Variants in ACACA observed in about 807,000 individuals in gnomAD.
ACACA encodes acetyl-CoA carboxylase 1.
Under a neutral mutation model 296.1 loss-of-function variants are expected in ACACA, and 103 were observed. The ratio of observed to expected loss-of-function variants is 0.35; its 90% confidence interval spans 0.30 to 0.41. The LOEUF (loss-of-function observed/expected upper bound fraction) is 0.41, where lower values mean the gene tolerates loss of function less well. Among genes scored for constraint, ACACA ranks in the 10% least tolerant of loss-of-function variants. The pLI, the probability that ACACA is intolerant of heterozygous loss-of-function variation, is 1.00. For missense variants in ACACA, 1,554 were observed against 2,989.7 expected (o/e 0.52, Z 11.20); for synonymous variants, 953 against 1,038.6 (o/e 0.92, Z 1.58).
At chr17:37,169,148 T>C (rs1209316040) in intron 41 of ACACA, among the ~76,000 whole-genome samples, 1 of 152,200 alleles carries the variant, frequency 6.6e-6, no homozygotes, top group African/African-American at 2.4e-5. Flanking sequence ...CAGATGCAGG[T>C]CTGTAACAGC....
intron 3 of ACACA, among the ~76,000 whole-genome samples, chr17:37,311,871 CAAAA>C (rs758323265): frequency 7.4e-5 from 5 of 67,500 alleles, no homozygotes; most frequent in African/African-American, 1.5e-4. Context: ...GACCCTGTCT[CAAAA>C]AAAAAAAAAA....
rs1427650772 is a variant in ACACA, at chr17:37,085,823, C to T, written c.*1493G>A. ...ACAGGGTTAAGGCTCAGAACTGTGG[C>T]TTGTCCAAGAACGTTCATACCACTG... On this transcript the variant is annotated 3_prime_UTR_variant, in exon 56 of 56. Coordinates refer to ENST00000616317, the MANE Select transcript of ACACA (RefSeq NM_198834.3). 2 of 398,988 alleles carry T rather than the reference C, an allele frequency of 5.0e-6. No homozygotes were observed. Among genetic ancestry groups the T allele is most frequent in the African/African-American group, 4.1e-5 (2 of 48,636 alleles). 24.7% of individuals were successfully genotyped at this position (398,988 alleles called of 1,614,324 possible).
At chr17:37,386,591 C>G (rs2050541376) in intron 1 of ACACA, among the ~76,000 whole-genome samples, 1 of 118,820 alleles carries the variant, frequency 8.4e-6, no homozygotes, top group Non-Finnish European at 2.0e-5. Flanking sequence ...GACTTTGTCT[C>G]AACAACAACA....
chr17:37,299,453 C>G, intron 3 of ACACA: 1 of 1,579,342 alleles, frequency 6.3e-7, no homozygotes, highest in Non-Finnish European at 8.6e-7. Flanking sequence ...ACTGTGCCTT[C>G]TGCCTGGCTT....
chr17:37,218,688 G>A (rs992165276), intron 29 of ACACA, among the ~76,000 whole-genome samples: 8 of 152,158 alleles, frequency 5.3e-5, no homozygotes, highest in Admixed American at 5.2e-4. Flanking sequence ...GAGGTTAGTG[G>A]ACATAACTGA....
At chr17:37,148,431 ATGAAT>A (rs1004074198) in intron 45 of ACACA, among the ~76,000 whole-genome samples, 1 of 152,204 alleles carries the variant, frequency 6.6e-6, no homozygotes, top group Non-Finnish European at 1.5e-5. Context: ...CAGAGTTCAT[ATGAAT>A]GCACAGAGCA....
chr17:37,113,279 G>C lies in ACACA; in HGVS notation c.6275-14C>G. 6.2e-7 allele frequency: 1 copy of C among 1,613,522 alleles called. No homozygotes were observed. Among genetic ancestry groups the C allele is most frequent in the Non-Finnish European group, 8.5e-7 (1 of 1,179,580 alleles). Reference sequence around the variant, plus strand: ...GGTCGTACATATCTATGGAGAATGAGACAAATTAGAAATCAAGAAATTTCT... The same window carrying C: ...GGTCGTACATATCTATGGAGAATGACACAAATTAGAAATCAAGAAATTTCT... On this transcript the variant is annotated splice_polypyrimidine_tract_variant and intron_variant, in intron 50 of 55. Transcript: ENST00000616317. The surrounding 1 kb of genome is among the most constrained non-coding windows in gnomAD (Gnocchi z 4.0).
intron 1 of ACACA, among the ~76,000 whole-genome samples, chr17:37,341,789 C>T (rs183058704): frequency 3.9e-5 from 6 of 151,906 alleles, no homozygotes; most frequent in Admixed American, 3.9e-4. Flanking sequence ...CAGTTAAGTA[C>T]ATAAACCAAC....
chr17:37,328,260 T>C (rs2047709530), intron 3 of ACACA, among the ~76,000 whole-genome samples: 1 of 152,202 alleles, frequency 6.6e-6, no homozygotes, highest in Admixed American at 6.5e-5. Context: ...GCCTTAGTTT[T>C]CCCAACTATC....
intron 54 of ACACA, among the ~76,000 whole-genome samples, chr17:37,091,085 T>C (rs2072598393): frequency 6.6e-6 from 1 of 152,346 alleles, no homozygotes; most frequent in African/African-American, 2.4e-5. Flanking sequence ...AGCAGATTAA[T>C]TGTGGCTTAA....
intron 48 of ACACA, 182 bp from the exon 49 acceptor site, chr17:37,122,809 A>T (rs1352636248): frequency 2.9e-6 from 2 of 679,710 alleles, no homozygotes; most frequent in African/African-American, 3.5e-5. Context: ...TACTCTCTAA[A>T]TATGGTGGGA....
intron 41 of ACACA, among the ~76,000 whole-genome samples, chr17:37,164,816 A>G (rs2076600262): frequency 6.6e-6 from 1 of 152,232 alleles, no homozygotes. Flanking sequence ...TTTATGATAT[A>G]TTAACCCTAG....
chr17:37,395,529 G>C (rs987147337), intron 1 of ACACA, among the ~76,000 whole-genome samples: 3 of 151,882 alleles, frequency 2.0e-5, no homozygotes, highest in African/African-American at 7.3e-5. Context: ...GTGACTAGAA[G>C]CTGTTCCACC....
intron 33 of ACACA, among the ~76,000 whole-genome samples, chr17:37,204,297 C>T (rs58045728): frequency 0.025 from 3,762 of 152,254 alleles, 156 homozygotes; most frequent in African/African-American, 0.086. Flanking sequence ...AGACTATAAG[C>T]ATCTTCAGGG....
intron 1 of ACACA, among the ~76,000 whole-genome samples, chr17:37,399,293 A>T (rs775547383): frequency 2.0e-5 from 3 of 152,070 alleles, no homozygotes; most frequent in Non-Finnish European, 4.4e-5. Context: ...AAATTCTTAA[A>T]GGTGATAAGG....
In ACACA at chr17:37,303,857, C is replaced by CA. The variant is rs200942566; in HGVS notation, c.339-18888dup. 5.4e-3 allele frequency among the ~76,000 whole-genome samples: 823 copies of CA among 151,818 alleles called. 4 individuals carry two copies. The highest frequency in any genetic ancestry group is 8.6e-3 in the Admixed American group (132 of 15,266). The stretch of plus-strand genomic sequence containing the variant: ...TGGGCAACAGAGCGAGACTCCGTCT[C>CA]AAAAAAAAGAAAGTGTCAAATTATT... On this transcript the variant is annotated intron_variant, in intron 3 of 55. Coordinates refer to ENST00000616317, the MANE Select transcript of ACACA (RefSeq NM_198834.3).
chr17:37,322,054 G>C (rs370778030), intron 3 of ACACA, among the ~76,000 whole-genome samples: 25 of 151,948 alleles, frequency 1.6e-4, no homozygotes, highest in East Asian at 5.8e-4. Context: ...AATTACAAAA[G>C]AGCTCAAAAT....
At chr17:37,201,036 C>T (rs1423515729) in intron 33 of ACACA, among the ~76,000 whole-genome samples, 1 of 152,172 alleles carries the variant, frequency 6.6e-6, no homozygotes, top group African/African-American at 2.4e-5. Context: ...TACATGAAGG[C>T]ATTTTTTAAA....
intron 52 of ACACA, among the ~76,000 whole-genome samples, chr17:37,101,850 T>G (rs938252240): frequency 6.6e-6 from 1 of 152,216 alleles, no homozygotes; most frequent in African/African-American, 2.4e-5. Context: ...GTCACAGCCC[T>G]GCAGGGAGCA....
Sources: allele counts gnomAD v4.1 joint callset (sites outside exome capture counted in the v4.1 genomes callset), GRCh38; gene constraint gnomAD v4.1.1; non-coding constraint Gnocchi (gnomAD v3.1); transcripts MANE v1.5; gene names NCBI Gene and HGNC (gene_info 2026-07-23, HGNC 2026-07-21).